NELL1: variants seen among roughly 807,000 people sequenced by gnomAD.
NELL1 encodes the protein protein kinase C-binding protein NELL1.
In NELL1, 76 loss-of-function variants were observed where a neutral mutation model predicts 107.4. The observed-to-expected ratio is 0.71, with a 90% CI of 0.59 to 0.86. The LOEUF (loss-of-function observed/expected upper bound fraction) is 0.86. NELL1 is among the 40% of genes least tolerant of loss of function. The pLI is 0.00. For synonymous variants in NELL1, 353 were observed against 341.2 expected, an observed-to-expected ratio of 1.03 and a Z score of -0.38; for missense variants, 1,024 against 1,005.5, an observed-to-expected ratio of 1.02 and a Z score of -0.25.
intron 4 of NELL1, among the ~76,000 whole-genome samples, chr11:20,868,870 A>G (rs1849145749): frequency 6.6e-6 from 1 of 152,174 alleles, no homozygotes; most frequent in African/African-American, 2.4e-5. Context: ...TCAGGTTGCC[A>G]TCAGACATTT....
At chr11:21,249,552 A>T (rs1490295742) in intron 14 of NELL1, among the ~76,000 whole-genome samples, 2 of 151,868 alleles carry the variant, frequency 1.3e-5, no homozygotes, top group East Asian at 1.9e-4. Flanking sequence ...AACTGAGTTT[A>T]AAAAAAATAA....
At chr11:21,507,363 G>C (rs1254987405) in intron 15 of NELL1, among the ~76,000 whole-genome samples, 1 of 152,198 alleles carries the variant, frequency 6.6e-6, no homozygotes, top group African/African-American at 2.4e-5. Flanking sequence ...AGCAACAAAA[G>C]CTTATTCTTT....
At chr11:21,019,207 G>A (rs1380259981) in intron 12 of NELL1, among the ~76,000 whole-genome samples, 2 of 152,074 alleles carry the variant, frequency 1.3e-5, no homozygotes, top group Non-Finnish European at 2.9e-5. Flanking sequence ...ACCTCCTAGG[G>A]TGTGTTAGTC....
Position 21,373,658 on chromosome 11 carries a change from G to T in NELL1, c.1645+2710G>T, listed in dbSNP as rs1341571874. ...CTGTCTGATGTTAATAATCCCACTT[G>T]TGTTTGGTATGTAACACACAGATGA... is the stretch of plus-strand genomic sequence containing the variant. On this transcript the variant is annotated intron_variant, in intron 15 of 19. Transcript: ENST00000357134. Among the ~76,000 whole-genome samples the T allele has an allele frequency of 2.0e-5, 3 of 152,040 alleles. No homozygotes were observed. The South Asian group carries it at 6.2e-4, about 32-fold the overall frequency.
Position 21,015,809 on chromosome 11 carries a change from G to A in NELL1, c.1300+55249G>A, listed in dbSNP as rs140410325. 3.0e-3 allele frequency among the ~76,000 whole-genome samples: 461 copies of A among 152,096 alleles called. 3 individuals carry two copies. The highest frequency in any genetic ancestry group is 0.014 in the South Asian group (68 of 4,826). On this transcript the variant is annotated intron_variant, in intron 12 of 19. Coordinates refer to ENST00000357134, the MANE Select transcript of NELL1 (RefSeq NM_006157.5). ...TAAAACATGCCATTGCCCCTCATAA[G>A]CCAGGCACGTCCTGTTGTCAACACA...
At chr11:20,820,082 A>C (rs1857716933) in intron 3 of NELL1, among the ~76,000 whole-genome samples, 1 of 152,174 alleles carries the variant, frequency 6.6e-6, no homozygotes, top group Non-Finnish European at 1.5e-5. Flanking sequence ...TATGGCCCCA[A>C]ATTTCTGGTT....
chr11:21,257,351 A>G (rs1858795457), intron 14 of NELL1, among the ~76,000 whole-genome samples: 1 of 152,006 alleles, frequency 6.6e-6, no homozygotes, highest in Non-Finnish European at 1.5e-5. Context: ...AAGGAAATGT[A>G]GTTAGGATTT....
At chr11:20,902,534 T>A (rs1849900010) in intron 5 of NELL1, among the ~76,000 whole-genome samples, 1 of 152,128 alleles carries the variant, frequency 6.6e-6, no homozygotes. Context: ...AAACTTGAAT[T>A]GGTGGAACCA....
Position 21,477,147 on chromosome 11 carries a change from C to T in NELL1, c.1646-57227C>T, listed in dbSNP as rs528702101. 2.0e-5 allele frequency among the ~76,000 whole-genome samples: 3 copies of T among 152,214 alleles called. No individual in the cohort carries two copies. The South Asian group carries it at 6.2e-4, about 32-fold the overall frequency. On this transcript the variant is annotated intron_variant, in intron 15 of 19. Transcript: ENST00000357134. The stretch of plus-strand genomic sequence containing the variant: ...GGTGGCCAAGGGAGTGCTTGCACCA[C>T]CCCTCCCCCAAGCCCAGACAGTACA...
chr11:21,141,408 A>G (rs1424156669), intron 13 of NELL1, among the ~76,000 whole-genome samples: 1 of 152,066 alleles, frequency 6.6e-6, no homozygotes, highest in Admixed American at 6.5e-5. Context: ...GGCGTTTCCT[A>G]TTTGTTTTTT....
chr11:20,751,991 T>G (rs1456073189), intron 2 of NELL1, among the ~76,000 whole-genome samples: 1 of 152,206 alleles, frequency 6.6e-6, no homozygotes, highest in Non-Finnish European at 1.5e-5. Context: ...CTATAAGGTT[T>G]TCTTCATTTA....
chr11:20,810,390 G>T lies in NELL1; in HGVS notation c.335+26560G>T, dbSNP rs112042786. On this transcript the variant is annotated intron_variant, in intron 3 of 19. Transcript: ENST00000357134. ...CACCCCCTCTCACTCGTCTCCCCAAGTCCGCAAAGTCCATTGTATTATTCT... is the reference window on the plus strand; with the variant it reads ...CACCCCCTCTCACTCGTCTCCCCAATTCCGCAAAGTCCATTGTATTATTCT... Among the ~76,000 whole-genome samples the T allele has an allele frequency of 7.7e-3, 1,174 of 152,142 alleles. 7 individuals carry two copies. Among genetic ancestry groups the T allele is most frequent in the Non-Finnish European group, 0.013 (892 of 68,000 alleles).
At chr11:20,914,932 C>A (rs1397437332) in intron 5 of NELL1, among the ~76,000 whole-genome samples, 1 of 151,958 alleles carries the variant, frequency 6.6e-6, no homozygotes, top group African/African-American at 2.4e-5. Context: ...CTGATATATA[C>A]CCTAAATTAA....
At chr11:21,138,012 T>C (rs1260149) in intron 13 of NELL1, among the ~76,000 whole-genome samples, 37,324 of 152,144 alleles carry the variant, frequency 0.25, 4,768 homozygotes, top group Middle Eastern at 0.34. Context: ...GTGTACACTT[T>C]ATTGCTCTCT....
intron 14 of NELL1, among the ~76,000 whole-genome samples, chr11:21,270,590 T>C (rs1191649238): frequency 6.6e-6 from 1 of 152,070 alleles, no homozygotes; most frequent in Non-Finnish European, 1.5e-5. Context: ...AGTTTGACAA[T>C]TAGACACTCC....
intron 12 of NELL1, among the ~76,000 whole-genome samples, chr11:21,046,808 A>G (rs941543760): frequency 6.6e-6 from 1 of 151,752 alleles, no homozygotes; most frequent in African/African-American, 2.4e-5. Context: ...CCCAGGCTCA[A>G]GGCATTCTCC....
intron 12 of NELL1, among the ~76,000 whole-genome samples, chr11:21,076,796 G>A (rs1854146626): frequency 6.6e-6 from 1 of 152,044 alleles, no homozygotes; most frequent in African/African-American, 2.4e-5. Flanking sequence ...CTGGTTGTTA[G>A]AAAGAGCCTG....
At chr11:20,936,599 C>A (rs1331581794) in intron 9 of NELL1, among the ~76,000 whole-genome samples, 1 of 152,198 alleles carries the variant, frequency 6.6e-6, no homozygotes. Context: ...GCAAACACAG[C>A]ACTTGCCTCA....
intron 14 of NELL1, among the ~76,000 whole-genome samples, chr11:21,344,673 T>A (rs1338667557): frequency 6.6e-6 from 1 of 152,198 alleles, no homozygotes; most frequent in African/African-American, 2.4e-5. Context: ...AACCTTCAAA[T>A]TCCAGCTGTT....
Sources: allele counts gnomAD v4.1 joint callset (sites outside exome capture counted in the v4.1 genomes callset), GRCh38; gene constraint gnomAD v4.1.1; transcripts MANE v1.5; gene names NCBI Gene and HGNC (gene_info 2026-07-23, HGNC 2026-07-21).